ARMH3: variants seen among roughly 807,000 people sequenced by gnomAD.
ARMH3 encodes the protein armadillo-like helical domain-containing protein 3.
In ARMH3, 60 loss-of-function variants were observed where a neutral mutation model predicts 99.1. That is an observed-to-expected ratio of 0.61 (90% CI 0.49 to 0.75). The LOEUF (loss-of-function observed/expected upper bound fraction) is 0.75, where lower values mean the gene tolerates loss of function less well. Ranked by LOEUF, ARMH3 falls within the 30% of genes least tolerant of loss-of-function variation. ARMH3 has a pLI of 0.00. For missense variants in ARMH3, 679 were observed against 843.1 expected, an observed-to-expected ratio of 0.81 and a Z score of 2.41; for synonymous variants, 285 against 292.8, an observed-to-expected ratio of 0.97 and a Z score of 0.27.
In ARMH3 at chr10:101,956,665, C is replaced by T. The variant is rs1360152674; in HGVS notation, c.1637G>A (p.Ser546Asn). ...CTCATAGTAAAGTTCATCATAGCTG[C>T]TGGGGGTTGGCAGAAATGTGTCGCC... Reference protein sequence around the residue: ...TYGDTFLPTPSSYDELYYEII... With the variant: ...TYGDTFLPTPNSYDELYYEII... Residue 546 changes from serine to asparagine, a missense_variant, in exon 22 of 26, where the codon AGC becomes AAC. Transcript: ENST00000370033. The T allele has an allele frequency of 9.3e-6, 15 of 1,613,566 alleles. No individual in the cohort carries two copies. Among genetic ancestry groups the T allele is most frequent in the Non-Finnish European group, 1.3e-5 (15 of 1,179,698 alleles).
At chr10:101,973,286 C>T (rs1003596632) in intron 20 of ARMH3, among the ~76,000 whole-genome samples, 10 of 145,524 alleles carry the variant, frequency 6.9e-5, no homozygotes, top group Admixed American at 2.1e-4. Flanking sequence ...GGTGTGAACC[C>T]GGGAGGCGGA....
At chr10:101,981,126 T>C (rs1846210537) in intron 19 of ARMH3, among the ~76,000 whole-genome samples, 1 of 151,484 alleles carries the variant, frequency 6.6e-6, no homozygotes, top group African/African-American at 2.4e-5. Context: ...CATATACCTA[T>C]GTAACAAACC....
intron 24 of ARMH3, among the ~76,000 whole-genome samples, chr10:101,855,919 T>C (rs1458941448): frequency 1.3e-5 from 2 of 151,978 alleles, no homozygotes; most frequent in Non-Finnish European, 2.9e-5. Flanking sequence ...TGGGATTATA[T>C]ACCAGAATTT....
At chr10:102,051,166 A>G (rs545884575) in intron 1 of ARMH3, among the ~76,000 whole-genome samples, 4 of 151,180 alleles carry the variant, frequency 2.6e-5, no homozygotes, top group Non-Finnish European at 5.9e-5. Flanking sequence ...TCAAAAAAAA[A>G]AAAAAAAAGA....
intron 24 of ARMH3, among the ~76,000 whole-genome samples, chr10:101,864,869 T>TGC (rs1418284127): frequency 3.9e-5 from 5 of 127,030 alleles, no homozygotes; most frequent in African/African-American, 1.1e-4. Context: ...TGTGCACATG[T>TGC]ACCCTAGAAC....
intron 23 of ARMH3, among the ~76,000 whole-genome samples, chr10:101,935,096 C>T (rs1488217539): frequency 6.6e-6 from 1 of 150,748 alleles, no homozygotes; most frequent in Non-Finnish European, 1.5e-5. Flanking sequence ...CCTCAAAGTA[C>T]TCCTTTGTGA....
chr10:101,957,608 G>A (rs770508494), intron 21 of ARMH3, 42 bp downstream of exon 21: 1 of 1,567,226 alleles, frequency 6.4e-7, no homozygotes, highest in South Asian at 1.2e-5. Flanking sequence ...TTCTGCCTTA[G>A]CATATGGCTT....
chr10:102,046,479 CCCATCTCTACT>C (rs1471670330), intron 1 of ARMH3, among the ~76,000 whole-genome samples: 2 of 151,896 alleles, frequency 1.3e-5, no homozygotes, highest in Non-Finnish European at 2.9e-5. Flanking sequence ...ATGGAGAAAC[CCCATCTCTACT>C]AAAAATACAA....
chr10:101,963,711 T>C (rs897187720), intron 20 of ARMH3, among the ~76,000 whole-genome samples: 7 of 152,156 alleles, frequency 4.6e-5, no homozygotes, highest in African/African-American at 1.4e-4. Context: ...GCGATTCTCC[T>C]GCCTCAGCCT....
chr10:101,887,284 A>G (rs1328204302), intron 24 of ARMH3, among the ~76,000 whole-genome samples: 1 of 152,220 alleles, frequency 6.6e-6, no homozygotes, highest in Admixed American at 6.5e-5. Flanking sequence ...GACTATTAAA[A>G]GAGGTAATGA....
Position 102,033,356 on chromosome 10 carries a change from A to C in ARMH3, c.103-17T>G. On this transcript the variant is annotated splice_polypyrimidine_tract_variant and intron_variant, in intron 2 of 25. Coordinates refer to ENST00000370033, the MANE Select transcript of ARMH3 (RefSeq NM_024541.3). The stretch of plus-strand genomic sequence containing the variant: ...GTCCTCTGTCTGAAACCAGAATATA[A>C]GCACATTCAGCCTTCCCAGCTAACA... 6.2e-7 allele frequency: 1 copy of C among 1,612,248 alleles called. No individual in the cohort carries two copies. The highest frequency in any genetic ancestry group is 8.5e-7 in the Non-Finnish European group (1 of 1,179,310).
intron 24 of ARMH3, among the ~76,000 whole-genome samples, chr10:101,883,643 T>A (rs1206156845): frequency 6.6e-6 from 1 of 151,968 alleles, no homozygotes; most frequent in Non-Finnish European, 1.5e-5. Context: ...ACAGACAAAA[T>A]GGTCATGGGG....
intron 22 of ARMH3, among the ~76,000 whole-genome samples, chr10:101,941,734 T>G (rs1412442890): frequency 2.0e-5 from 3 of 152,232 alleles, no homozygotes; most frequent in African/African-American, 7.2e-5. Flanking sequence ...CAGTCTAAAC[T>G]CAGGTTTCAC....
At chr10:101,927,678 C>T (rs1843563055) in intron 23 of ARMH3, among the ~76,000 whole-genome samples, 1 of 152,206 alleles carries the variant, frequency 6.6e-6, no homozygotes, top group Non-Finnish European at 1.5e-5. Flanking sequence ...CCTATAATCC[C>T]AGCACTTTGG....
At chr10:101,877,965 T>G (rs923798468) in intron 24 of ARMH3, among the ~76,000 whole-genome samples, 1 of 152,112 alleles carries the variant, frequency 6.6e-6, no homozygotes, top group South Asian at 2.1e-4. Flanking sequence ...ACAATTAAAA[T>G]TCACTGTGCT....
chr10:101,868,890 A>G (rs1202369043), intron 24 of ARMH3, among the ~76,000 whole-genome samples: 3 of 152,166 alleles, frequency 2.0e-5, no homozygotes, highest in Non-Finnish European at 4.4e-5. Context: ...TGGCCAATAT[A>G]ATGAAACCCC....
intron 1 of ARMH3, among the ~76,000 whole-genome samples, chr10:102,048,748 C>A (rs1309075554): frequency 1.3e-5 from 2 of 152,078 alleles, no homozygotes; most frequent in African/African-American, 4.8e-5. Context: ...TATATCAAGC[C>A]AGCAATAGTC....
At chr10:102,042,067 T>C (rs545413828) in intron 1 of ARMH3, among the ~76,000 whole-genome samples, 40 of 152,334 alleles carry the variant, frequency 2.6e-4, no homozygotes, top group Admixed American at 3.9e-4. Context: ...AGAAGACTCT[T>C]TGGGACAATT....
intron 1 of ARMH3, among the ~76,000 whole-genome samples, chr10:102,051,585 G>A (rs746935556): frequency 2.6e-5 from 4 of 152,150 alleles, no homozygotes; most frequent in Non-Finnish European, 5.9e-5. Flanking sequence ...ACTGATTAAG[G>A]AAGCACACAA....
Sources: gnomAD v4.1 joint callset for allele counts (sites outside exome capture counted in the v4.1 genomes callset) on GRCh38, gnomAD v4.1.1 for gene constraint, MANE v1.5 for transcripts, NCBI Gene and HGNC (gene_info 2026-07-23, HGNC 2026-07-21) for gene names.